Variants in ELAC1 observed in about 807,000 individuals in gnomAD.
ELAC1 encodes zinc phosphodiesterase ELAC protein 1.
In ELAC1, 19 loss-of-function variants were observed where a neutral mutation model predicts 25.8. The ratio of observed to expected loss-of-function variants is 0.74; its 90% CI spans 0.51 to 1.08. The LOEUF (loss-of-function observed/expected upper bound fraction) is 1.08. Among genes scored for constraint, ELAC1 ranks in the 50% least tolerant of loss-of-function variants. The pLI, the probability that ELAC1 is intolerant of heterozygous loss-of-function variation, is 0.00. For synonymous variants in ELAC1, 148 were observed against 160.9 expected (o/e 0.92, Z 0.61); for missense variants, 403 against 434.6 (o/e 0.93, Z 0.65).
intron 2 of ELAC1, among the ~76,000 whole-genome samples, chr18:50,983,817 G>A (rs1021617836): frequency 5.3e-5 from 8 of 150,860 alleles, no homozygotes; most frequent in Admixed American, 1.3e-4. Flanking sequence ...TCACACCACT[G>A]CACTCCAGCC....
chr18:50,987,126 T>A lies in ELAC1; in HGVS notation c.*41T>A. The A allele has an allele frequency of 7.2e-7, 1 of 1,390,612 alleles. No homozygotes were observed. The highest frequency in any genetic ancestry group is 9.7e-7 in the Non-Finnish European group (1 of 1,028,176). 86.1% of individuals were successfully genotyped at this position (1,390,612 alleles called of 1,614,324 possible). On this transcript the variant is annotated 3_prime_UTR_variant, in exon 4 of 4. Coordinates refer to ENST00000269466, the MANE Select transcript of ELAC1 (RefSeq NM_018696.3). ...GTGCACACTGACATGTCTGTGAATATGTTACTGAACCTATAGTCCAGTTTT... is the reference window on the plus strand; with the variant it reads ...GTGCACACTGACATGTCTGTGAATAAGTTACTGAACCTATAGTCCAGTTTT...
chr18:50,969,124 C>T (rs1258418211), intron 1 of ELAC1: 1 of 152,200 alleles, frequency 6.6e-6, no homozygotes, highest in Admixed American at 6.5e-5. Context: ...ATCCAGTCAG[C>T]ATTTACATTT....
At chr18:50,985,430 G>C (rs1237928427) in intron 3 of ELAC1, among the ~76,000 whole-genome samples, 2 of 152,232 alleles carry the variant, frequency 1.3e-5, no homozygotes, top group East Asian at 3.8e-4. Context: ...GCATACAGAG[G>C]TGGGCTTGGG....
At position 50,987,113 on chromosome 18, in the gene ELAC1, A is replaced by G. The variant is rs745540536; in HGVS notation, c.*28A>G. ...CCAGTGTTCCTGAGTGCACACTGAC[A>G]TGTCTGTGAATATGTTACTGAACCT... On this transcript the variant is annotated 3_prime_UTR_variant, in exon 4 of 4. Transcript: ENST00000269466. 2 of 1,419,558 alleles carry G rather than the reference A, an allele frequency of 1.4e-6. No individual in the cohort carries two copies. Among genetic ancestry groups the G allele is most frequent in the African/African-American group, 1.4e-5 (1 of 70,064 alleles). 87.9% of individuals were successfully genotyped at this position (1,419,558 alleles called of 1,614,324 possible).
At chr18:50,986,478 C>A in intron 3 of ELAC1, 141 bp from the exon 4 acceptor site, 1 of 682,824 alleles carries the variant, frequency 1.5e-6, no homozygotes, top group South Asian at 2.1e-5. Flanking sequence ...ATGTATAAAT[C>A]CAGTTTTCCA....
At chr18:50,983,740 G>A (rs1908022941) in intron 2 of ELAC1, among the ~76,000 whole-genome samples, 1 of 150,052 alleles carries the variant, frequency 6.7e-6, no homozygotes, top group African/African-American at 2.5e-5. Context: ...TGTAGTCCTA[G>A]CTACTTGGGA....
intron 2 of ELAC1, among the ~76,000 whole-genome samples, chr18:50,978,524 A>T (rs1599147016): frequency 6.6e-6 from 1 of 152,156 alleles, no homozygotes; most frequent in African/African-American, 2.4e-5. Flanking sequence ...CGAGAACAGC[A>T]TGAGAAAACC....
At position 50,977,588 on chromosome 18, in the gene ELAC1, G is replaced by A. The variant is rs563322891; in HGVS notation, c.157+3027G>A. Reference sequence around the variant, plus strand: ...TTTTCCCTCCTAGGCCTCTGGGCACGTGATGGGAGGGGCTGCTGTGAAGAC... The same window carrying A: ...TTTTCCCTCCTAGGCCTCTGGGCACATGATGGGAGGGGCTGCTGTGAAGAC... On this transcript the variant is annotated intron_variant, in intron 2 of 3. Coordinates refer to ENST00000269466, the MANE Select transcript of ELAC1 (RefSeq NM_018696.3). Among the ~76,000 whole-genome samples, 202 of 152,342 alleles carry A rather than the reference G, an allele frequency of 1.3e-3. 1 individual carries two copies. The highest frequency in any genetic ancestry group is 4.8e-3 in the African/African-American group (199 of 41,578).
intron 3 of ELAC1, 107 bp downstream of exon 3, chr18:50,984,670 G>T (rs993165189): frequency 1.2e-5 from 10 of 845,158 alleles, no homozygotes; most frequent in African/African-American, 8.6e-5. Context: ...TGTGGCTCAC[G>T]CCTGTAATCC....
In ELAC1 at chr18:50,986,841, T is replaced by G; in HGVS notation, c.848T>G (p.Met283Arg). The stretch of plus-strand genomic sequence containing the variant: ...GAAGCAACCCTGGATGATGCCCAGA[T>G]GGACAAAGCAAAGGAGCATGGCCAC... Reference protein sequence around the residue: ...IHEATLDDAQMDKAKEHGHST... With the variant: ...IHEATLDDAQRDKAKEHGHST... The change falls in exon 4 of 4, where the codon ATG (methionine) becomes AGG (arginine). Residue 283 changes from methionine to arginine, a missense_variant. Coordinates refer to ENST00000269466, the MANE Select transcript of ELAC1 (RefSeq NM_018696.3). 6.2e-7 allele frequency: 1 copy of G among 1,614,166 alleles called. No individual in the cohort carries two copies. Among genetic ancestry groups the G allele is most frequent in the South Asian group, 1.1e-5 (1 of 91,082 alleles).
chr18:50,986,548 T>G, intron 3 of ELAC1, 71 bp from the exon 4 acceptor site: 4 of 1,177,532 alleles, frequency 3.4e-6, no homozygotes, highest in Non-Finnish European at 4.8e-6. Flanking sequence ...TTTGCAATGC[T>G]GTTAAAATAG....
At chr18:50,974,338 A>G in intron 1 of ELAC1, 59 bp from the exon 2 acceptor site, 1 of 1,424,354 alleles carries the variant, frequency 7.0e-7, no homozygotes, top group East Asian at 2.4e-5. Context: ...TAAATATTAC[A>G]GGAATATGTT....
chr18:50,977,091 C>A (rs2144313038), intron 2 of ELAC1, among the ~76,000 whole-genome samples: 1 of 152,318 alleles, frequency 6.6e-6, no homozygotes, highest in Non-Finnish European at 1.5e-5. Flanking sequence ...CACTTCCTGG[C>A]TGTTTTCATG....
chr18:50,972,378 T>C (rs1048466255), intron 1 of ELAC1, among the ~76,000 whole-genome samples: 9 of 152,220 alleles, frequency 5.9e-5, no homozygotes, highest in African/African-American at 1.9e-4. Context: ...TTTACACCTT[T>C]GTTATATACT....
In ELAC1 at chr18:50,987,650, G is replaced by C. The variant is rs976089142; in HGVS notation, c.*565G>C. On this transcript the variant is annotated 3_prime_UTR_variant, in exon 4 of 4. Transcript: ENST00000269466. ...CTTTCTATTTGGGTCTTAACCCATGGTTCTCAGCTGGGGTGACACTGCTCC... is the reference window on the plus strand; with the variant it reads ...CTTTCTATTTGGGTCTTAACCCATGCTTCTCAGCTGGGGTGACACTGCTCC... 1 of 152,178 alleles carries C rather than the reference G, an allele frequency of 6.6e-6. No individual in the cohort carries two copies. Among genetic ancestry groups the C allele is most frequent in the Non-Finnish European group, 1.5e-5 (1 of 68,040 alleles). 9.4% of individuals were successfully genotyped at this position (152,178 alleles called of 1,614,324 possible). A position where few individuals can be genotyped will look rare whatever the true frequency, so the allele number is the denominator to read the frequency against.
Position 50,987,407 on chromosome 18 carries a change from A to C in ELAC1, c.*322A>C, listed in dbSNP as rs894441604. On this transcript the variant is annotated 3_prime_UTR_variant, in exon 4 of 4. Transcript: ENST00000269466. Reference sequence around the variant, plus strand: ...GCAGTCCTGGGCTTAGCTTCTGCCCAGCTTTATTGCTGCTATTGGCAAAGA... The same window carrying C: ...GCAGTCCTGGGCTTAGCTTCTGCCCCGCTTTATTGCTGCTATTGGCAAAGA... 3 of 205,310 alleles carry C rather than the reference A, an allele frequency of 1.5e-5. No individual in the cohort carries two copies. The highest frequency in any genetic ancestry group is 6.9e-5 in the African/African-American group (3 of 43,590). The allele number at this position is 205,310 out of a possible 1,614,324, so 12.7% of individuals were successfully genotyped here. A position where few individuals can be genotyped will look rare whatever the true frequency, so the allele number is the denominator to read the frequency against.
chr18:50,971,537 G>T (rs1370428242), intron 1 of ELAC1, among the ~76,000 whole-genome samples: 2 of 152,046 alleles, frequency 1.3e-5, no homozygotes, highest in Non-Finnish European at 2.9e-5. Flanking sequence ...ATAAGCACAT[G>T]CCTCCATGTC....
Position 50,986,949 on chromosome 18 carries a change from A to T in ELAC1, c.956A>T (p.Lys319Ile). The T allele has an allele frequency of 6.2e-7, 1 of 1,614,080 alleles. No individual in the cohort carries two copies. The highest frequency in any genetic ancestry group is 8.5e-7 in the Non-Finnish European group (1 of 1,179,982). Residue 319 changes from lysine (K) to isoleucine (I), a missense_variant, in exon 4 of 4, where the codon AAA (lysine) becomes ATA (isoleucine). Lys to Ile is a moderately radical substitution (Grantham distance 102). Transcript: ENST00000269466. The part of the protein sequence containing the change: ...LVLTHFSQRY[K>I]PVALAREGET... ...CTGACTCACTTCAGTCAGAGGTACA[A>T]ACCAGTTGCCTTGGCCAGAGAAGGA...
intron 2 of ELAC1, among the ~76,000 whole-genome samples, chr18:50,975,053 A>G (rs891081492): frequency 6.6e-6 from 1 of 152,144 alleles, no homozygotes; most frequent in African/African-American, 2.4e-5. Flanking sequence ...GGGCATTTCA[A>G]TCAGGGGGAA....
Sources: allele counts gnomAD v4.1 joint callset (sites outside exome capture counted in the v4.1 genomes callset), GRCh38; gene constraint gnomAD v4.1.1; transcripts MANE v1.5; gene names NCBI Gene and HGNC (gene_info 2026-07-23, HGNC 2026-07-21).